TANC2: variants seen among roughly 807,000 people sequenced by gnomAD.
The protein encoded by TANC2 is protein TANC2.
TANC2 carries 26 observed loss-of-function variants against 210.5 expected under a neutral mutation model. The ratio of observed to expected loss-of-function variants is 0.12; its 90% CI spans 0.09 to 0.17. TANC2 has a LOEUF of 0.17. Ranked by LOEUF, TANC2 falls within the 10% of genes least tolerant of loss-of-function variation. The pLI is 1.00. For missense variants in TANC2, 2,129 were observed against 2,608.9 expected (o/e 0.82, Z 4.01); for synonymous variants, 931 against 967.1 (o/e 0.96, Z 0.69).
chr17:63,012,659 T>C (rs2033923710), intron 2 of TANC2, among the ~76,000 whole-genome samples: 2 of 152,166 alleles, frequency 1.3e-5, no homozygotes. Flanking sequence ...TTTTGTTTTA[T>C]TTTATTTTTA....
chr17:63,220,130 A>G (rs973090593), intron 7 of TANC2, among the ~76,000 whole-genome samples: 16 of 151,970 alleles, frequency 1.1e-4, no homozygotes, highest in African/African-American at 3.9e-4. Context: ...CCTCTCCTCT[A>G]CTAAAAATAC....
chr17:63,137,566 A>G (rs1394802699), intron 4 of TANC2, among the ~76,000 whole-genome samples: 1 of 152,218 alleles, frequency 6.6e-6, no homozygotes, highest in African/African-American at 2.4e-5. Flanking sequence ...TGTTTGTTTC[A>G]TGAAAGCCTC....
At chr17:63,008,425 C>T (rs1376454691) in intron 1 of TANC2, among the ~76,000 whole-genome samples, 1 of 152,082 alleles carries the variant, frequency 6.6e-6, no homozygotes, top group East Asian at 1.9e-4. Context: ...CTGTGTCCCA[C>T]TTCATGTTTG....
At chr17:63,411,392 A>G in intron 21 of TANC2, 119 bp from the exon 22 acceptor site, 1 of 988,422 alleles carries the variant, frequency 1.0e-6, no homozygotes, top group Non-Finnish European at 1.5e-6. Flanking sequence ...CAGTCTTAAA[A>G]TGGAAATAGT....
chr17:63,112,987 T>G (rs1365310221), intron 4 of TANC2, among the ~76,000 whole-genome samples: 1 of 152,182 alleles, frequency 6.6e-6, no homozygotes, highest in Non-Finnish European at 1.5e-5. Context: ...GACCTTGTCC[T>G]TCTTTACTTG....
intron 1 of TANC2, among the ~76,000 whole-genome samples, chr17:62,997,658 A>G (rs998865550): frequency 1.3e-5 from 2 of 152,162 alleles, no homozygotes; most frequent in Non-Finnish European, 2.9e-5. Flanking sequence ...CTTTAAGACA[A>G]TATCTTAATG....
intron 1 of TANC2, among the ~76,000 whole-genome samples, chr17:62,989,936 A>T (rs1226173775): frequency 6.6e-6 from 1 of 151,654 alleles, no homozygotes; most frequent in Non-Finnish European, 1.5e-5. Context: ...ACACCTGGCT[A>T]ATTTTTTTTG....
At chr17:63,200,355 C>CAAAAAAAAAAAA (rs10598629) in intron 6 of TANC2, among the ~76,000 whole-genome samples, 2 of 93,806 alleles carry the variant, frequency 2.1e-5, no homozygotes, top group Non-Finnish European at 4.3e-5. Flanking sequence ...AACTCTGTCT[C>CAAAAAAAAAAAA]AAAAAAAAAA....
At chr17:63,151,922 A>G (rs1418684719) in intron 5 of TANC2, 2 of 152,208 alleles carry the variant, frequency 1.3e-5, no homozygotes, top group African/African-American at 4.8e-5. Flanking sequence ...TTACTTTTAG[A>G]AATACCTCTT....
exon 4 of TANC2, chr17:63,099,197 C>G (rs2037526960): frequency 6.2e-6 from 10 of 1,608,994 alleles, no homozygotes; most frequent in Admixed American, 1.7e-5. Flanking sequence ...CAGAAAGCGA[C>G]TGTGCTTTTG....
chr17:63,171,075 TTC>T (rs1190453682), intron 5 of TANC2, among the ~76,000 whole-genome samples: 1 of 142,526 alleles, frequency 7.0e-6, no homozygotes, highest in East Asian at 2.0e-4. Context: ...CCAAATGTAT[TTC>T]TTTCTTTTTT....
chr17:63,008,293 T>C (rs1027173002), intron 1 of TANC2, among the ~76,000 whole-genome samples: 6 of 152,316 alleles, frequency 3.9e-5, no homozygotes, highest in Admixed American at 2.6e-4. Flanking sequence ...TTTCACGCTC[T>C]TATGAAATTT....
intron 2 of TANC2, among the ~76,000 whole-genome samples, chr17:63,060,022 A>C (rs760276718): frequency 3.3e-5 from 5 of 152,192 alleles, no homozygotes; most frequent in Non-Finnish European, 7.3e-5. Context: ...TGATGTTTCC[A>C]ATATAGATTC....
At chr17:63,312,973 A>G (rs1478098330) in intron 9 of TANC2, among the ~76,000 whole-genome samples, 1 of 152,164 alleles carries the variant, frequency 6.6e-6, no homozygotes, top group Non-Finnish European at 1.5e-5. Flanking sequence ...GCTTTCAGGC[A>G]GTTTTAAATG....
At chr17:63,345,049 A>G (rs757308690) in intron 12 of TANC2, among the ~76,000 whole-genome samples, 1 of 152,222 alleles carries the variant, frequency 6.6e-6, no homozygotes, top group African/African-American at 2.4e-5. Flanking sequence ...TGCTTGAATA[A>G]GCTTCCAAAT....
intron 1 of TANC2, among the ~76,000 whole-genome samples, chr17:62,982,948 C>T (rs556557502): frequency 5.3e-5 from 8 of 152,238 alleles, no homozygotes; most frequent in South Asian, 4.1e-4. Context: ...TATTTGAAGA[C>T]TGTTGTGATT....
intron 17 of TANC2, among the ~76,000 whole-genome samples, chr17:63,395,527 G>A (rs2048126249): frequency 1.3e-5 from 2 of 152,172 alleles, no homozygotes; most frequent in South Asian, 4.1e-4. Flanking sequence ...GACCTTTTCT[G>A]AGGAAAAGAA....
At chr17:63,377,046 T>C (rs2047448075) in intron 14 of TANC2, among the ~76,000 whole-genome samples, 1 of 152,196 alleles carries the variant, frequency 6.6e-6, no homozygotes, top group African/African-American at 2.4e-5. Context: ...CGACCTGAGC[T>C]GTATATTGGT....
chr17:63,255,339 GC>G lies in TANC2; in HGVS notation c.1034-12407del, dbSNP rs375942122. On this transcript the variant is annotated intron_variant, in intron 8 of 27. Coordinates refer to ENST00000689528, the Ensembl canonical transcript of TANC2. ...TCCTGACCTTGTTTGTGATCCGCCT[GC>G]CTCGGCCTCCCAAAGTGCTGGGATT... 3.2e-4 allele frequency among the ~76,000 whole-genome samples: 49 copies of G among 152,164 alleles called. 1 individual carries two copies. In the South Asian group the frequency reaches 0.01, roughly 32 times the overall value.
Sources: allele counts gnomAD v4.1 joint callset (sites outside exome capture counted in the v4.1 genomes callset), GRCh38; gene constraint gnomAD v4.1.1; transcripts MANE v1.5; gene names NCBI Gene and HGNC (gene_info 2026-07-23, HGNC 2026-07-21).